The following ROS1 variants were observed in gnomAD, a reference collection of about 807,000 sequenced individuals.
The protein encoded by ROS1 is proto-oncogene tyrosine-protein kinase ROS.
In ROS1, 263 loss-of-function variants were observed where a neutral mutation model predicts 273.5. The ratio of observed to expected loss-of-function variants is 0.96; its 90% CI spans 0.87 to 1.06. The LOEUF (loss-of-function observed/expected upper bound fraction) is 1.06, where lower values mean the gene tolerates loss of function less well. ROS1 is among the 50% of genes least tolerant of loss of function. The pLI is 0.00. For missense variants in ROS1, 2,833 were observed against 2,751.1 expected, an observed-to-expected ratio of 1.03 and a Z score of -0.67; for synonymous variants, 1,008 against 954.1, an observed-to-expected ratio of 1.06 and a Z score of -1.04.
chr6:117,374,972 T>C (rs1419430807), intron 18 of ROS1, among the ~76,000 whole-genome samples: 2 of 152,172 alleles, frequency 1.3e-5, no homozygotes, highest in African/African-American at 4.8e-5. Context: ...GGAAAAGAAG[T>C]CATTATACAA....
chr6:117,366,096 G>A lies in ROS1; in HGVS notation c.2777C>T (p.Thr926Ile). 8.7e-6 allele frequency: 14 copies of A among 1,613,818 alleles called. No individual in the cohort carries two copies. The highest frequency in any genetic ancestry group is 1.1e-5 in the Non-Finnish European group (13 of 1,179,692). ...TGTACCTGGCAGGGGCTTAAGGGAT[G>A]TCTGAATAATTGTGAACTGATTAAA... The part of the protein sequence containing the change: ...ARFNQFTIIQ[T>I]SLKPLPGNFS... Residue 926 changes from threonine to isoleucine, a missense_variant, in exon 19 of 44, where the codon ACA becomes ATA. Thr to Ile is a moderately conservative substitution (Grantham distance 89, BLOSUM62 -1). Transcript: ENST00000368507.
intron 43 of ROS1, 50 bp from the exon 44 acceptor site, chr6:117,288,852 T>C (rs765947225): frequency 7.2e-7 from 1 of 1,382,532 alleles, no homozygotes; most frequent in African/African-American, 1.5e-5. Context: ...ATTATTTATT[T>C]GTAATAATAT....
intron 28 of ROS1, among the ~76,000 whole-genome samples, chr6:117,343,372 T>C (rs889620330): frequency 6.6e-6 from 1 of 152,200 alleles, no homozygotes; most frequent in Non-Finnish European, 1.5e-5. Context: ...TTTCACCTTT[T>C]GAACAGGCTA....
chr6:117,372,122 A>G (rs1275617967), intron 18 of ROS1, among the ~76,000 whole-genome samples: 1 of 152,196 alleles, frequency 6.6e-6, no homozygotes, highest in Non-Finnish European at 1.5e-5. Context: ...CATCTATGAC[A>G]AACGCATGGC....
intron 24 of ROS1, 100 bp from the exon 25 acceptor site, chr6:117,358,109 C>T: frequency 1.4e-6 from 1 of 731,350 alleles, no homozygotes; most frequent in Non-Finnish European, 2.3e-6. Context: ...CTGCACTTCT[C>T]ATTTGTAATC....
Position 117,332,207 on chromosome 6 carries a change from A to G in ROS1, c.5231-2761T>C, listed in dbSNP as rs556948844. Among the ~76,000 whole-genome samples the G allele has an allele frequency of 2.9e-4, 44 of 152,294 alleles. 1 individual carries two copies. In the South Asian group the frequency reaches 8.5e-3, roughly 29 times the overall value. On this transcript the variant is annotated intron_variant, in intron 32 of 43. Transcript: ENST00000368507. ...GAGGGTTGCAATCCTAGTCTCTGACAAAACAGACTTTAAACCAACAAAGAT... is the reference window on the plus strand; with the variant it reads ...GAGGGTTGCAATCCTAGTCTCTGACGAAACAGACTTTAAACCAACAAAGAT...
At chr6:117,306,647 C>G (rs1248609897) in intron 42 of ROS1, among the ~76,000 whole-genome samples, 1 of 152,128 alleles carries the variant, frequency 6.6e-6, no homozygotes, top group Non-Finnish European at 1.5e-5. Context: ...AGTATTTAAG[C>G]AGTAAATGGA....
At chr6:117,396,798 G>A in intron 8 of ROS1, 117 bp downstream of exon 8, 2 of 753,242 alleles carry the variant, frequency 2.7e-6, no homozygotes, top group East Asian at 2.5e-5. Flanking sequence ...CCAACACCAT[G>A]GAGTCAGTGG....
chr6:117,417,015 G>T (rs896891327), intron 2 of ROS1, among the ~76,000 whole-genome samples: 28 of 151,892 alleles, frequency 1.8e-4, no homozygotes, highest in African/African-American at 6.0e-4. Context: ...TCCATCTTCA[G>T]CTTTTTCTCC....
rs2128556977 is a variant in ROS1, at chr6:117,318,247, C to T, written c.5928G>A (p.Leu1976=). ...SGEIKVAVKT[L]KKGSTDQEKI... ...TCTCCTGGTCTGTGGAACCCTTCTT[C>T]AAAGTCTATACAACATAAAAACAAG... The change falls in exon 38 of 44, where the codon TTG becomes TTA. Residue 1976 remains leucine (L), a synonymous_variant. Transcript: ENST00000368507. 6.2e-7 allele frequency: 1 copy of T among 1,612,068 alleles called. No individual in the cohort carries two copies. Among genetic ancestry groups the T allele is most frequent in the Non-Finnish European group, 8.5e-7 (1 of 1,178,542 alleles).
At chr6:117,353,987 C>T (rs565815280) in intron 26 of ROS1, among the ~76,000 whole-genome samples, 16 of 152,180 alleles carry the variant, frequency 1.1e-4, no homozygotes, top group South Asian at 8.3e-4. Flanking sequence ...CACGGGAGGG[C>T]GACTAGGACA....
At chr6:117,348,335 G>T (rs1778541975) in intron 27 of ROS1, among the ~76,000 whole-genome samples, 1 of 151,762 alleles carries the variant, frequency 6.6e-6, no homozygotes, top group African/African-American at 2.4e-5. Context: ...TAAAAGAATT[G>T]GTCCATTTCA....
Position 117,362,665 on chromosome 6 carries a change from T to G in ROS1, c.3304A>C (p.Thr1102Pro), listed in dbSNP as rs774918950. 6.2e-7 allele frequency: 1 copy of G among 1,613,190 alleles called. No individual in the cohort carries two copies. The highest frequency in any genetic ancestry group is 1.1e-5 in the South Asian group (1 of 91,040). The change falls in exon 22 of 44, where the codon ACT (threonine) becomes CCT (proline). Residue 1102 changes from threonine to proline, a missense_variant. By Grantham distance (38) the Thr-to-Pro change is conservative. Coordinates refer to ENST00000368507, the MANE Select transcript of ROS1 (RefSeq NM_001378902.1). ...TCEDWIAVNVTPSVMSFQLEG... is the reference protein window; with the variant it reads ...TCEDWIAVNVPPSVMSFQLEG... ...AGTTGAAAAGACATCACTGAGGGAG[T>G]GACATTGACAGCAATCCAGTCTTCA...
At chr6:117,328,765 G>A (rs2128590941) in intron 33 of ROS1, 1 of 613,924 alleles carries the variant, frequency 1.6e-6, no homozygotes, top group Non-Finnish European at 3.2e-6. Context: ...GGCCAGGTCT[G>A]AGGCTGTTCA....
intron 42 of ROS1, among the ~76,000 whole-genome samples, chr6:117,307,857 A>C (rs1775227381): frequency 1.3e-5 from 2 of 152,140 alleles, no homozygotes; most frequent in African/African-American, 4.8e-5. Context: ...GTGCATCCGC[A>C]TACTGCTAAT....
rs1774088465 is a variant in ROS1 at position 117,403,128 on chromosome 6, G to A, written c.604+11C>T. 2 of 1,613,324 alleles carry A rather than the reference G, an allele frequency of 1.2e-6. No individual in the cohort carries two copies. The highest frequency in any genetic ancestry group is 1.3e-5 in the African/African-American group (1 of 74,892). On this transcript the variant is annotated intron_variant, in intron 7 of 43. Coordinates refer to ENST00000368507, the MANE Select transcript of ROS1 (RefSeq NM_001378902.1). Reference sequence around the variant, plus strand: ...TAATGTCCTTTCATAAGAAATGTGTGCACACCATACCTCCATGAGGATGAG... The same window carrying A: ...TAATGTCCTTTCATAAGAAATGTGTACACACCATACCTCCATGAGGATGAG...
intron 43 of ROS1, among the ~76,000 whole-genome samples, chr6:117,291,040 G>A (rs983147571): frequency 6.6e-6 from 1 of 152,072 alleles, no homozygotes; most frequent in Non-Finnish European, 1.5e-5. Context: ...TCTATCCTTT[G>A]CAGATATGCA....
chr6:117,290,872 C>G (rs552876915), intron 43 of ROS1, among the ~76,000 whole-genome samples: 9 of 152,262 alleles, frequency 5.9e-5, no homozygotes, highest in African/African-American at 1.9e-4. Context: ...TTCTTCTCTA[C>G]GTACATATCT....
In ROS1 at chr6:117,389,745, A is replaced by G; in HGVS notation, c.1391T>C (p.Leu464Ser). 1 of 1,614,166 alleles carries G rather than the reference A, an allele frequency of 6.2e-7. No individual in the cohort carries two copies. Among genetic ancestry groups the G allele is most frequent in the Non-Finnish European group, 8.5e-7 (1 of 1,180,020 alleles). Residue 464 changes from leucine to serine, a missense_variant, in exon 13 of 44, where the codon TTA becomes TCA. Physicochemically the swap from Leu to Ser is moderately radical, Grantham distance 145 (BLOSUM62 -2). Coordinates refer to ENST00000368507, the MANE Select transcript of ROS1 (RefSeq NM_001378902.1). ...TTGTGGCTTGATTGCAAAGTCCTTT[A>G]ACGTGCAACTCTCCACAATACGCAC... ...EAVRIVESCT[L>S]KDFAIKPQAK...
Sources: allele counts gnomAD v4.1 joint callset (sites outside exome capture counted in the v4.1 genomes callset), GRCh38; gene constraint gnomAD v4.1.1; transcripts MANE v1.5; gene names NCBI Gene and HGNC (gene_info 2026-07-23, HGNC 2026-07-21).